The following EBF1 variants were observed in gnomAD, a reference collection of about 807,000 sequenced individuals.
EBF1 encodes the protein transcription factor COE1.
A neutral mutation model predicts 68.4 loss-of-function variants in EBF1; 10 were observed. The ratio of observed to expected loss-of-function variants is 0.15; its 90% CI spans 0.09 to 0.25. The LOEUF (loss-of-function observed/expected upper bound fraction) is 0.25, where lower values mean the gene tolerates loss of function less well. Among genes scored for constraint, EBF1 ranks in the 10% least tolerant of loss-of-function variants. The probability of loss-of-function intolerance (pLI) is 1.00; values close to 1 mark genes in which losing one functional copy is unlikely to be tolerated. For synonymous variants in EBF1, 298 were observed against 299.8 expected, an observed-to-expected ratio of 0.99 and a Z score of 0.06; for missense variants, 509 against 794.4, an observed-to-expected ratio of 0.64 and a Z score of 4.32.
chr5:158,956,227 A>AG (rs971963846), intron 6 of EBF1, among the ~76,000 whole-genome samples: 32 of 152,162 alleles, frequency 2.1e-4, no homozygotes, highest in Admixed American at 1.9e-3. Flanking sequence ...GGTGTGTCAC[A>AG]GGCTTTTCAG....
chr5:159,061,663 C>G (rs1244580265), intron 6 of EBF1, among the ~76,000 whole-genome samples: 1 of 151,948 alleles, frequency 6.6e-6, no homozygotes, highest in Non-Finnish European at 1.5e-5. Flanking sequence ...GCTCGGAAGC[C>G]GAAGAATCGA....
intron 14 of EBF1, among the ~76,000 whole-genome samples, chr5:158,710,148 G>A (rs1426915294): frequency 6.6e-6 from 1 of 152,122 alleles, no homozygotes; most frequent in African/African-American, 2.4e-5. Context: ...ACTGGGCTTT[G>A]TGTTTATTGT....
intron 15 of EBF1, among the ~76,000 whole-genome samples, chr5:158,700,047 A>G (rs1756390755): frequency 6.6e-6 from 1 of 152,226 alleles, no homozygotes; most frequent in South Asian, 2.1e-4. Context: ...GGAGAGGTGA[A>G]TAAAATGACA....
At chr5:158,876,082 A>G (rs1224784773) in intron 6 of EBF1, among the ~76,000 whole-genome samples, 1 of 152,258 alleles carries the variant, frequency 6.6e-6, no homozygotes, top group Admixed American at 6.5e-5. Flanking sequence ...CGAAAAGTTT[A>G]GAGGCCAAAA....
At chr5:158,949,435 GC>G (rs1815517839) in intron 6 of EBF1, among the ~76,000 whole-genome samples, 1 of 152,062 alleles carries the variant, frequency 6.6e-6, no homozygotes, top group South Asian at 2.1e-4. Context: ...TTTGAGACCA[GC>G]CTGGGCAACA....
chr5:159,003,853 A>G (rs1763038064), intron 6 of EBF1, among the ~76,000 whole-genome samples: 1 of 152,254 alleles, frequency 6.6e-6, no homozygotes, highest in Non-Finnish European at 1.5e-5. Context: ...CTTTGAGATC[A>G]TGGATGAGTA....
intron 6 of EBF1, among the ~76,000 whole-genome samples, chr5:158,944,881 CTG>C (rs1405592251): frequency 6.6e-6 from 1 of 152,226 alleles, no homozygotes; most frequent in Non-Finnish European, 1.5e-5. Flanking sequence ...AGAAAAATGA[CTG>C]TTCATTTCCT....
intron 6 of EBF1, among the ~76,000 whole-genome samples, chr5:159,033,972 C>T (rs1214536397): frequency 2.0e-5 from 3 of 152,096 alleles, no homozygotes; most frequent in African/African-American, 7.2e-5. Context: ...GCTTAGATGT[C>T]ATCACTATTA....
chr5:159,019,074 T>A (rs906246176), intron 6 of EBF1: 1 of 152,312 alleles, frequency 6.6e-6, no homozygotes, highest in South Asian at 2.1e-4. Context: ...TGTTTACAGA[T>A]GGCAAATGTT....
rs577938410 is a variant in EBF1, at chr5:159,096,480, G to A, written c.292-74C>T. 1.9e-6 allele frequency: 3 copies of A among 1,542,732 alleles called. No individual in the cohort carries two copies. In the Admixed American group the frequency reaches 5.7e-5, roughly 29 times the overall value. On this transcript the variant is annotated intron_variant, in intron 2 of 15. Coordinates refer to ENST00000313708, the MANE Select transcript of EBF1 (RefSeq NM_024007.5). ...TGCGTGAGCGAGTGGACCAACTTTC[G>A]AGGCAACTTTCCCCAAGCCGGGACC... is the stretch of plus-strand genomic sequence containing the variant.
chr5:158,793,662 A>AAG (rs1779100484), intron 9 of EBF1, among the ~76,000 whole-genome samples: 1 of 152,176 alleles, frequency 6.6e-6, no homozygotes, highest in Non-Finnish European at 1.5e-5. Flanking sequence ...TCTGAAACTC[A>AAG]GTTTACTCAT....
chr5:159,051,772 G>A (rs150954571), intron 6 of EBF1, among the ~76,000 whole-genome samples: 313 of 152,160 alleles, frequency 2.1e-3, no homozygotes, highest in African/African-American at 7.3e-3. Flanking sequence ...ATCCCGCTTT[G>A]CAGTTGTGCA....
At position 159,075,683 on chromosome 5, in the gene EBF1, A is replaced by T. The variant is rs537724093; in HGVS notation, c.486-2219T>A. On this transcript the variant is annotated intron_variant, in intron 5 of 15. Transcript: ENST00000313708. ...GCAATAGCCAGAGTGAGCTTTTCCA[A>T]ATGTCAGTGGTACTGTGCCATCTCA... Among the ~76,000 whole-genome samples the T allele has an allele frequency of 2.0e-5, 3 of 152,242 alleles. No individual in the cohort carries two copies. The South Asian group carries it at 6.2e-4, about 32-fold the overall frequency.
At chr5:158,843,142 G>C (rs1010233900) in intron 6 of EBF1, among the ~76,000 whole-genome samples, 1 of 152,092 alleles carries the variant, frequency 6.6e-6, no homozygotes, top group Admixed American at 6.5e-5. Flanking sequence ...TCTCCCTTAA[G>C]AGGGCCCCCT....
intron 6 of EBF1, among the ~76,000 whole-genome samples, chr5:158,858,852 T>C (rs1021250829): frequency 1.3e-5 from 2 of 152,162 alleles, no homozygotes; most frequent in Non-Finnish European, 2.9e-5. Context: ...GGTTCACTTT[T>C]CAGGGAAGGT....
chr5:158,709,488 A>AG (rs1438812227), intron 14 of EBF1, among the ~76,000 whole-genome samples: 1 of 152,226 alleles, frequency 6.6e-6, no homozygotes, highest in Non-Finnish European at 1.5e-5. Flanking sequence ...ACAGATCTCC[A>AG]GGGGGAAAAG....
intron 8 of EBF1, among the ~76,000 whole-genome samples, chr5:158,813,417 A>C (rs1486030052): frequency 5.3e-5 from 8 of 152,196 alleles, no homozygotes; most frequent in Admixed American, 1.3e-4. Context: ...CAGGGAGAAG[A>C]ATGCAGGGTG....
intron 10 of EBF1, among the ~76,000 whole-genome samples, chr5:158,753,264 T>C (rs1769329512): frequency 6.6e-6 from 1 of 152,106 alleles, no homozygotes; most frequent in African/African-American, 2.4e-5. Flanking sequence ...AGGAAATCTG[T>C]TAATAAGAAA....
intron 6 of EBF1, among the ~76,000 whole-genome samples, chr5:159,072,544 T>C (rs1778000332): frequency 6.6e-6 from 1 of 152,228 alleles, no homozygotes; most frequent in African/African-American, 2.4e-5. Context: ...TTTTTCCAGC[T>C]AGTACAAGAT....
Sources: allele counts gnomAD v4.1 joint callset (sites outside exome capture counted in the v4.1 genomes callset), GRCh38; gene constraint gnomAD v4.1.1; transcripts MANE v1.5; gene names NCBI Gene and HGNC (gene_info 2026-07-23, HGNC 2026-07-21).